The following ACAA2 variants were observed in gnomAD, a reference collection of about 807,000 sequenced individuals.
The protein encoded by ACAA2 is 3-ketoacyl-CoA thiolase, mitochondrial.
Under a neutral mutation model 44.8 loss-of-function variants are expected in ACAA2, and 35 were observed. The ratio of observed to expected loss-of-function variants is 0.78; its 90% confidence interval spans 0.60 to 1.04. ACAA2 has a LOEUF of 1.04. Among genes scored for constraint, ACAA2 ranks in the 50% least tolerant of loss-of-function variants. The probability of loss-of-function intolerance (pLI) is 0.00; values close to 1 mark genes in which losing one functional copy is unlikely to be tolerated. For missense variants in ACAA2, 468 were observed against 482.6 expected, an observed-to-expected ratio of 0.97 and a Z score of 0.28; for synonymous variants, 142 against 166.5, an observed-to-expected ratio of 0.85 and a Z score of 1.13.
chr18:49,799,700 T>A (rs2023511365), intron 2 of ACAA2, among the ~76,000 whole-genome samples: 1 of 151,132 alleles, frequency 6.6e-6, no homozygotes, highest in African/African-American at 2.4e-5. Context: ...GGGGAGCCCC[T>A]CTGCCTGGCT....
intron 3 of ACAA2, 92 bp from the exon 4 acceptor site, chr18:49,795,973 C>G: frequency 1.2e-6 from 1 of 802,192 alleles, no homozygotes; most frequent in South Asian, 1.7e-5. Context: ...AATGGTAAAT[C>G]AAACAAATAT....
In ACAA2 at chr18:49,813,502, C is replaced by A. The variant is rs1363511885; in HGVS notation, c.-18G>T. 3 of 1,240,204 alleles carry A rather than the reference C, an allele frequency of 2.4e-6. No homozygotes were observed. Among genetic ancestry groups the A allele is most frequent in the Non-Finnish European group, 3.0e-6 (3 of 988,052 alleles). The allele number at this position is 1,240,204 out of a possible 1,614,324, so 76.8% of individuals were successfully genotyped here. A position where few individuals can be genotyped will look rare whatever the true frequency, so the allele number is the denominator to read the frequency against. ...AGAGCCATGGCGGCTGCTGGGTCGTCGGCGGCGCGGGTCTGTGGTGTGGGG... is the reference window on the plus strand; with the variant it reads ...AGAGCCATGGCGGCTGCTGGGTCGTAGGCGGCGCGGGTCTGTGGTGTGGGG... On this transcript the variant is annotated 5_prime_UTR_variant, in exon 1 of 10. Transcript: ENST00000285093.
intron 7 of ACAA2, among the ~76,000 whole-genome samples, chr18:49,789,300 A>ATAGATACT (rs991866208): frequency 1.3e-5 from 2 of 152,180 alleles, no homozygotes; most frequent in African/African-American, 4.8e-5. Context: ...TTCCCACTAG[A>ATAGATACT]TACTTAATAA....
At chr18:49,786,521 T>C (rs2023331131) in intron 8 of ACAA2, 1 of 152,216 alleles carries the variant, frequency 6.6e-6, no homozygotes, top group South Asian at 2.1e-4. Flanking sequence ...TCTGAAATCA[T>C]GGTTTCCTGT....
chr18:49,797,726 G>A (rs146672258), intron 2 of ACAA2, 132 bp from the exon 3 acceptor site: 1 of 624,986 alleles, frequency 1.6e-6, no homozygotes, highest in Admixed American at 3.5e-5. Flanking sequence ...AGGACAAAAT[G>A]CATCTAAGTA....
At chr18:49,794,459 A>G in intron 4 of ACAA2, 32 bp from the exon 5 acceptor site, 1 of 1,479,682 alleles carries the variant, frequency 6.8e-7, no homozygotes. Flanking sequence ...GTGACTTGTT[A>G]AGGCATTTCC....
At position 49,810,742 on chromosome 18, in the gene ACAA2, C is replaced by T. The variant is rs1237050590; in HGVS notation, c.16+2727G>A. 4.0e-5 allele frequency among the ~76,000 whole-genome samples: 6 copies of T among 151,616 alleles called. No individual in the cohort carries two copies. The East Asian group carries it at 7.8e-4, about 20-fold the overall frequency. On this transcript the variant is annotated intron_variant, in intron 1 of 9. Transcript: ENST00000285093. ...TCACTCTGTCACCCAGGCTGAAGTG[C>T]GGTAGTGTGATCTTGGCTCACTGCA...
chr18:49,792,718 T>C (rs1039241410), intron 5 of ACAA2, among the ~76,000 whole-genome samples: 4 of 152,196 alleles, frequency 2.6e-5, no homozygotes, highest in Non-Finnish European at 5.9e-5. Flanking sequence ...AGTGCTGGGA[T>C]TACAGATATG....
At chr18:49,799,498 G>A (rs2023505855) in intron 2 of ACAA2, among the ~76,000 whole-genome samples, 1 of 152,248 alleles carries the variant, frequency 6.6e-6, no homozygotes, top group Admixed American at 6.5e-5. Flanking sequence ...ATTGCGGACG[G>A]AGTCTTGTTC....
At chr18:49,790,742 A>T (rs1447482869) in intron 7 of ACAA2, among the ~76,000 whole-genome samples, 1 of 152,194 alleles carries the variant, frequency 6.6e-6, no homozygotes. Context: ...TTCTAAATCA[A>T]ATATTTTAAG....
At chr18:49,800,248 CGCCCCGTCCGGG>C (rs1568588940) in intron 2 of ACAA2, among the ~76,000 whole-genome samples, 3 of 136,950 alleles carry the variant, frequency 2.2e-5, no homozygotes, top group African/African-American at 8.2e-5. Flanking sequence ...CCCGGCCAGC[CGCCCCGTCCGGG>C]AGGGAGGGAG....
intron 7 of ACAA2, among the ~76,000 whole-genome samples, chr18:49,788,228 G>A (rs1395613271): frequency 6.6e-6 from 1 of 152,034 alleles, no homozygotes; most frequent in African/African-American, 2.4e-5. Context: ...TCTACTTCTC[G>A]ACTTGTTCTT....
In ACAA2 at chr18:49,796,567, T is replaced by C. The variant is rs1290457439; in HGVS notation, c.313-686A>G. ...TTACAAATGAAATTGGATTTCACTT[T>C]CTTCTCTGTGCTCAAAGAAACAAAT... On this transcript the variant is annotated intron_variant, in intron 3 of 9. Coordinates refer to ENST00000285093, the MANE Select transcript of ACAA2 (RefSeq NM_006111.3). Among the ~76,000 whole-genome samples the C allele has an allele frequency of 4.6e-5, 7 of 152,340 alleles. No homozygotes were observed. The East Asian group carries it at 1.3e-3, about 29-fold the overall frequency.
At chr18:49,798,430 T>C (rs2023490014) in intron 2 of ACAA2, among the ~76,000 whole-genome samples, 1 of 151,880 alleles carries the variant, frequency 6.6e-6, no homozygotes, top group Non-Finnish European at 1.5e-5. Flanking sequence ...CTGGTGAAGC[T>C]GATGTTGCTA....
rs149748050 is a variant in ACAA2, at chr18:49,808,582, G to A, written c.16+4887C>T. Among the ~76,000 whole-genome samples the A allele has an allele frequency of 4.5e-3, 678 of 152,170 alleles. 8 individuals carry two copies. Among genetic ancestry groups the A allele is most frequent in the African/African-American group, 0.014 (593 of 41,502 alleles). On this transcript the variant is annotated intron_variant, in intron 1 of 9. Transcript: ENST00000285093. ...GCCGCCGGGGGTGACATCACATATC[G>A]GTAGGTCCAGGATGCCCACCTGAAC... is the stretch of plus-strand genomic sequence containing the variant.
intron 3 of ACAA2, among the ~76,000 whole-genome samples, chr18:49,796,847 T>C (rs1291248262): frequency 6.6e-6 from 1 of 152,170 alleles, no homozygotes; most frequent in Non-Finnish European, 1.5e-5. Flanking sequence ...ATAATAGTTC[T>C]TGCTTCATAG....
chr18:49,794,407 T>C lies in ACAA2; in HGVS notation c.450A>G (p.Val150=), dbSNP rs747244408. The change falls in exon 5 of 10, where the codon GTA becomes GTG. Residue 150 remains valine (V), a synonymous_variant. Coordinates refer to ENST00000285093, the MANE Select transcript of ACAA2 (RefSeq NM_006111.3). ...GCTGGACATGCTGATCTGTTAATGA[T>C]ACCCATAAAGAATCTTCCAGCTATT... is the stretch of plus-strand genomic sequence containing the variant. ...SDIKLEDSLW[V]SLTDQHVQLP... 3 of 1,595,658 alleles carry C rather than the reference T, an allele frequency of 1.9e-6. No individual in the cohort carries two copies. The highest frequency in any genetic ancestry group is 2.6e-6 in the Non-Finnish European group (3 of 1,173,322).
At chr18:49,789,746 G>A (rs2915243) in intron 7 of ACAA2, among the ~76,000 whole-genome samples, 8 of 152,218 alleles carry the variant, frequency 5.3e-5, no homozygotes, top group Admixed American at 2.6e-4. Context: ...CACTTTGGGA[G>A]GCTGAGGTGG....
At chr18:49,807,096 C>T (rs531642715) in intron 1 of ACAA2, among the ~76,000 whole-genome samples, 17 of 152,232 alleles carry the variant, frequency 1.1e-4, no homozygotes, top group South Asian at 2.1e-4. Context: ...GGCAAAAATG[C>T]GTCAACTTTG....
Sources: gnomAD v4.1 joint callset for allele counts (sites outside exome capture counted in the v4.1 genomes callset) on GRCh38, gnomAD v4.1.1 for gene constraint, MANE v1.5 for transcripts, NCBI Gene and HGNC (gene_info 2026-07-23, HGNC 2026-07-21) for gene names.